The following PRKAG2 variants were observed in gnomAD, a reference collection of about 807,000 sequenced individuals.
The protein encoded by PRKAG2 is protein kinase AMP-activated non-catalytic subunit gamma 2, also known as 5'-AMP-activated protein kinase subunit gamma-2.
Under a neutral mutation model 69.6 loss-of-function variants are expected in PRKAG2, and 26 were observed. The observed-to-expected ratio is 0.37, with a 90% CI of 0.27 to 0.52. The LOEUF (loss-of-function observed/expected upper bound fraction) is 0.52. Ranked by LOEUF, PRKAG2 falls within the 20% of genes least tolerant of loss-of-function variation. The probability of loss-of-function intolerance (pLI) is 0.90; values close to 1 mark genes in which losing one functional copy is unlikely to be tolerated. For synonymous variants in PRKAG2, 293 were observed against 285.0 expected (o/e 1.03, Z -0.28); for missense variants, 557 against 740.0 (o/e 0.75, Z 2.87).
rs931540862 is a variant in PRKAG2, at chr7:151,632,130, C to T, written c.693G>A (p.Leu231=). The T allele has an allele frequency of 1.4e-6, 2 of 1,405,704 alleles. No individual in the cohort carries two copies. The highest frequency in any genetic ancestry group is 2.1e-5 in the Admixed American group (1 of 46,920). 87.1% of individuals were successfully genotyped at this position (1,405,704 alleles called of 1,614,324 possible). The change falls in exon 5 of 16, where the codon CTG becomes CTA. Residue 231 remains leucine, a synonymous_variant. Transcript: ENST00000287878. The surrounding 1 kb of genome is among the most constrained non-coding windows in gnomAD (Gnocchi z 4.2). ...CTTCCGCGGGTCCCAGGGCCGCCGC[C>T]AGCGCCGCCTGAGGGGGAGGAGGAG... The part of the protein sequence containing the change: ...THYAPSKAAA[L]AAALGPAEAG...
At chr7:151,763,534 G>A (rs781322299) in intron 3 of PRKAG2, among the ~76,000 whole-genome samples, 1 of 152,192 alleles carries the variant, frequency 6.6e-6, no homozygotes, top group Admixed American at 6.5e-5. Flanking sequence ...AAGGAAGTTC[G>A]CTGGCTCCTC....
intron 2 of PRKAG2, among the ~76,000 whole-genome samples, chr7:151,784,059 A>C (rs1387867079): frequency 1.3e-5 from 2 of 152,076 alleles, no homozygotes; most frequent in Non-Finnish European, 2.9e-5. Flanking sequence ...AAGGTGACAT[A>C]AGCTGGTCCT....
chr7:151,858,841 G>A (rs1056147266), intron 1 of PRKAG2, among the ~76,000 whole-genome samples: 3 of 152,176 alleles, frequency 2.0e-5, no homozygotes, highest in African/African-American at 7.2e-5. Context: ...GGAGCACTTG[G>A]AGGGACCATA....
chr7:151,733,947 A>C (rs1056995774), intron 3 of PRKAG2, among the ~76,000 whole-genome samples: 5 of 151,886 alleles, frequency 3.3e-5, no homozygotes, highest in African/African-American at 1.2e-4. Context: ...CTCCCACCTC[A>C]ACCTCCCAAA....
chr7:151,851,258 C>T (rs2079560322), intron 1 of PRKAG2, among the ~76,000 whole-genome samples: 1 of 151,784 alleles, frequency 6.6e-6, no homozygotes, highest in Admixed American at 6.6e-5. Context: ...CTGGAGTGAG[C>T]TTTCCTGCCA....
intron 5 of PRKAG2, among the ~76,000 whole-genome samples, chr7:151,618,422 T>C (rs1205373428): frequency 6.6e-6 from 1 of 150,858 alleles, no homozygotes; most frequent in Non-Finnish European, 1.5e-5. Flanking sequence ...CACTGCACTC[T>C]AGCCTGGGCA....
intron 6 of PRKAG2, among the ~76,000 whole-genome samples, chr7:151,587,270 C>G (rs73158109): frequency 6.6e-6 from 1 of 151,894 alleles, no homozygotes; most frequent in African/African-American, 2.4e-5. Context: ...GGATTATAAC[C>G]CAAAAATAAA....
intron 3 of PRKAG2, among the ~76,000 whole-genome samples, chr7:151,714,457 C>T (rs1406742266): frequency 7.2e-6 from 1 of 138,210 alleles, no homozygotes. Context: ...CGCCGTCCTC[C>T]CATCCACATG....
At chr7:151,797,236 A>AC (rs1166274163) in intron 1 of PRKAG2, among the ~76,000 whole-genome samples, 3 of 62,616 alleles carry the variant, frequency 4.8e-5, no homozygotes, top group Admixed American at 1.4e-4. Context: ...CACCCCCCCC[A>AC]CCCCCCACCG....
chr7:151,631,840 C>A, intron 5 of PRKAG2: 1 of 494,546 alleles, frequency 2.0e-6, no homozygotes, highest in Non-Finnish European at 3.9e-6. Context: ...CAGGGCTGCG[C>A]TCTGGGAGCC....
At chr7:151,751,427 A>G (rs1242290266) in intron 3 of PRKAG2, among the ~76,000 whole-genome samples, 1 of 151,494 alleles carries the variant, frequency 6.6e-6, no homozygotes, top group African/African-American at 2.4e-5. Flanking sequence ...CAAAGATGCC[A>G]TATTTTTTTT....
chr7:151,560,717 C>T (rs1307124825), intron 14 of PRKAG2, 100 bp from the exon 15 acceptor site: 1 of 1,447,248 alleles, frequency 6.9e-7, no homozygotes, highest in Non-Finnish European at 9.5e-7. Flanking sequence ...ATGATCAACA[C>T]ATCCCTCCAG....
At chr7:151,822,793 G>A (rs1430340265) in intron 1 of PRKAG2, among the ~76,000 whole-genome samples, 1 of 152,164 alleles carries the variant, frequency 6.6e-6, no homozygotes, top group African/African-American at 2.4e-5. Flanking sequence ...CCCTGGGTCA[G>A]GTGACAGGGA....
intron 1 of PRKAG2, among the ~76,000 whole-genome samples, chr7:151,859,328 C>T (rs920895743): frequency 5.9e-5 from 9 of 152,222 alleles, no homozygotes; most frequent in Non-Finnish European, 8.8e-5. Flanking sequence ...CGGAAAGCTG[C>T]GGCAACACCT....
chr7:151,735,756 T>C, intron 3 of PRKAG2: 3 of 1,136,994 alleles, frequency 2.6e-6, no homozygotes, highest in Non-Finnish European at 3.7e-6. Context: ...TTCCCACGTA[T>C]TCCTCTAACC....
chr7:151,812,247 T>C (rs530962593), intron 1 of PRKAG2, among the ~76,000 whole-genome samples: 3 of 152,042 alleles, frequency 2.0e-5, no homozygotes, highest in Non-Finnish European at 4.4e-5. Flanking sequence ...AAAACAAAAG[T>C]ACAGGCATTC....
At chr7:151,766,297 T>C (rs540950934) in intron 3 of PRKAG2, among the ~76,000 whole-genome samples, 5 of 152,146 alleles carry the variant, frequency 3.3e-5, no homozygotes, top group East Asian at 1.9e-4. Flanking sequence ...TTCCTTTAAA[T>C]GATGGTAGGA....
intron 1 of PRKAG2, among the ~76,000 whole-genome samples, chr7:151,832,563 T>C (rs1339349921): frequency 7.0e-6 from 1 of 143,246 alleles, no homozygotes; most frequent in Non-Finnish European, 1.5e-5. Context: ...CCCCTTCCCC[T>C]GGGGCTGGTC....
intron 2 of PRKAG2, among the ~76,000 whole-genome samples, 175 bp downstream of exon 2, chr7:151,786,295 A>G (rs1316823389): frequency 6.6e-6 from 1 of 152,244 alleles, no homozygotes; most frequent in African/African-American, 2.4e-5. Flanking sequence ...CCGATACGCC[A>G]GGCTTGGCCA....
Sources: gnomAD v4.1 joint callset for allele counts (sites outside exome capture counted in the v4.1 genomes callset) on GRCh38, gnomAD v4.1.1 for gene constraint, Gnocchi (gnomAD v3.1) non-coding constraint, MANE v1.5 for transcripts, NCBI Gene and HGNC (gene_info 2026-07-23, HGNC 2026-07-21) for gene names.